Variants in RHPN2 observed in about 807,000 individuals in gnomAD.
RHPN2 encodes the protein rhophilin-2.
A neutral mutation model predicts 79.0 loss-of-function variants in RHPN2; 40 were observed. The ratio of observed to expected loss-of-function variants is 0.51; its 90% CI spans 0.39 to 0.66. The LOEUF is 0.66. Among genes scored for constraint, RHPN2 ranks in the 30% least tolerant of loss-of-function variants. RHPN2 has a pLI of 0.00. For missense variants in RHPN2, 686 were observed against 883.5 expected (o/e 0.78, Z 2.83); for synonymous variants, 285 against 363.5 (o/e 0.78, Z 2.46).
chr19:33,010,187 G>A (rs1187472428), intron 6 of RHPN2, among the ~76,000 whole-genome samples: 1 of 152,082 alleles, frequency 6.6e-6, no homozygotes, highest in South Asian at 2.1e-4. Context: ...CATGCAGACA[G>A]CCTGGTGCAT....
At chr19:32,983,137 T>G in intron 14 of RHPN2, among the ~76,000 whole-genome samples, 1 of 134,404 alleles carries the variant, frequency 7.4e-6, no homozygotes, top group Admixed American at 7.8e-5. Flanking sequence ...AAGCTTTTCT[T>G]GGCCCAGATC....
chr19:33,011,807 C>A lies in RHPN2; in HGVS notation c.469-4G>T. On this transcript the variant is annotated splice_region_variant and splice_polypyrimidine_tract_variant and intron_variant, in intron 5 of 14. Transcript: ENST00000254260. The stretch of plus-strand genomic sequence containing the variant: ...CCCGGCTAGGCGTCCGACAAGCCTG[C>A]AAGGAAAAGAACCCAAGAGGGCATG... 1 of 1,613,888 alleles carries A rather than the reference C, an allele frequency of 6.2e-7. No individual in the cohort carries two copies. Among genetic ancestry groups the A allele is most frequent in the Non-Finnish European group, 8.5e-7 (1 of 1,179,860 alleles).
chr19:33,049,593 C>T (rs1278062143), intron 1 of RHPN2, among the ~76,000 whole-genome samples: 1 of 152,178 alleles, frequency 6.6e-6, no homozygotes, highest in East Asian at 1.9e-4. Flanking sequence ...AGAGTCTATT[C>T]CCTTCCCACA....
chr19:33,015,732 T>C (rs1233782342), intron 4 of RHPN2, among the ~76,000 whole-genome samples: 1 of 152,178 alleles, frequency 6.6e-6, no homozygotes, highest in Non-Finnish European at 1.5e-5. Flanking sequence ...TCCTTTCTTA[T>C]ACAAGCAATA....
intron 6 of RHPN2, 64 bp downstream of exon 6, chr19:33,011,615 C>A: frequency 6.2e-7 from 1 of 1,612,324 alleles, no homozygotes; most frequent in Non-Finnish European, 8.5e-7. Flanking sequence ...GTCTGTGATG[C>A]TGAGGCTCCA....
chr19:32,992,534 T>C (rs1971669210), intron 12 of RHPN2, among the ~76,000 whole-genome samples: 3 of 152,202 alleles, frequency 2.0e-5, no homozygotes, highest in Admixed American at 6.6e-5. Context: ...AATGTAAGAC[T>C]AGGCATGTCA....
chr19:32,998,916 C>T (rs1482549479), intron 10 of RHPN2, among the ~76,000 whole-genome samples: 2 of 105,002 alleles, frequency 1.9e-5, no homozygotes. Context: ...AGAAGGGGAG[C>T]GGAGGGTAAC....
At chr19:33,058,033 G>A (rs1489209673) in intron 1 of RHPN2, among the ~76,000 whole-genome samples, 7 of 152,134 alleles carry the variant, frequency 4.6e-5, no homozygotes. Flanking sequence ...GGTGGCGGGT[G>A]CCTATAATCC....
intron 2 of RHPN2, among the ~76,000 whole-genome samples, chr19:33,030,422 G>A (rs959469980): frequency 5.3e-5 from 8 of 151,870 alleles, no homozygotes; most frequent in South Asian, 2.1e-4. Context: ...GTAAAACCCC[G>A]TCTCTATTAA....
chr19:33,040,864 G>A (rs532836731), intron 2 of RHPN2, among the ~76,000 whole-genome samples: 1 of 152,232 alleles, frequency 6.6e-6, no homozygotes, highest in African/African-American at 2.4e-5. Context: ...TGAGGCACAA[G>A]AATCACTTGA....
In RHPN2 at chr19:32,991,752, G is replaced by C. The variant is rs150836188; in HGVS notation, c.1644+71C>G. On this transcript the variant is annotated intron_variant, in intron 13 of 14. Transcript: ENST00000254260. Reference sequence around the variant, plus strand: ...CACATCAAGTCAGGCCTTTGACATGGGTGAACCCACCCTAAATTCAATCAC... The same window carrying C: ...CACATCAAGTCAGGCCTTTGACATGCGTGAACCCACCCTAAATTCAATCAC... 1,146 of 1,601,746 alleles carry C rather than the reference G, an allele frequency of 7.2e-4. 5 individuals carry two copies. In the African/African-American group the frequency reaches 0.013, roughly 19 times the overall value.
intron 4 of RHPN2, among the ~76,000 whole-genome samples, chr19:33,013,918 C>A (rs1053236514): frequency 6.6e-6 from 1 of 151,674 alleles, no homozygotes; most frequent in Non-Finnish European, 1.5e-5. Context: ...TTTGTTGCCT[C>A]GGCTGGAGTG....
intron 2 of RHPN2, among the ~76,000 whole-genome samples, chr19:33,042,185 A>G (rs2194023): frequency 0.39 from 57,549 of 149,248 alleles, 14,870 homozygotes; most frequent in African/African-American, 0.71. Context: ...GTGAAACTCC[A>G]TCTCAAAAAA....
chr19:33,026,839 A>C lies in RHPN2; in HGVS notation c.186-207T>G, dbSNP rs1029554637. 3 of 557,262 alleles carry C rather than the reference A, an allele frequency of 5.4e-6. No homozygotes were observed. In the African/African-American group the frequency reaches 5.6e-5, roughly 10 times the overall value. The allele number at this position is 557,262 out of a possible 1,614,324, so 34.5% of individuals were successfully genotyped here. ...AGTACGTGGAGCTGGGGACACAGGC[A>C]ATGACACTGTGAGCTGCAGACATGA... On this transcript the variant is annotated intron_variant, in intron 2 of 14. Transcript: ENST00000254260.
chr19:32,996,479 A>G (rs1666919692), intron 10 of RHPN2: 5 of 516,932 alleles, frequency 9.7e-6, no homozygotes, highest in South Asian at 8.0e-5. Flanking sequence ...GCTGACTCCA[A>G]GCACACCCAG....
chr19:33,060,730 G>T (rs1386666847), intron 1 of RHPN2, among the ~76,000 whole-genome samples: 3 of 152,086 alleles, frequency 2.0e-5, no homozygotes, highest in Non-Finnish European at 2.9e-5. Flanking sequence ...ATGGGGTCTT[G>T]CTTATTGCCC....
At chr19:33,062,978 C>T (rs1196793125) in intron 1 of RHPN2, among the ~76,000 whole-genome samples, 1 of 151,980 alleles carries the variant, frequency 6.6e-6, no homozygotes, top group Non-Finnish European at 1.5e-5. Context: ...TCTCTTGCTG[C>T]CATTTTCCCC....
At chr19:33,043,940 C>T (rs1034988709) in intron 2 of RHPN2, among the ~76,000 whole-genome samples, 4 of 152,108 alleles carry the variant, frequency 2.6e-5, no homozygotes, top group Admixed American at 6.6e-5. Context: ...AGAAAATAGA[C>T]AAGTCCCAGA....
chr19:33,022,103 G>A (rs1971929231), intron 3 of RHPN2, among the ~76,000 whole-genome samples: 1 of 151,210 alleles, frequency 6.6e-6, no homozygotes, highest in East Asian at 1.9e-4. Context: ...ACCACACCCA[G>A]CTAATTTTTG....
Sources: allele counts gnomAD v4.1 joint callset (sites outside exome capture counted in the v4.1 genomes callset), GRCh38; gene constraint gnomAD v4.1.1; transcripts MANE v1.5; gene names NCBI Gene and HGNC (gene_info 2026-07-23, HGNC 2026-07-21).